The following SH3TC2 variants were observed in gnomAD, a reference collection of about 807,000 sequenced individuals.
SH3TC2 encodes SH3 domain and tetratricopeptide repeat-containing protein 2.
SH3TC2 carries 87 observed loss-of-function variants against 124.5 expected under a neutral mutation model. The ratio of observed to expected loss-of-function variants is 0.70; its 90% CI spans 0.59 to 0.84. SH3TC2 has a LOEUF of 0.84. SH3TC2 is among the 40% of genes least tolerant of loss of function. The pLI is 0.00. For synonymous variants in SH3TC2, 634 were observed against 628.5 expected (o/e 1.01, Z -0.13); for missense variants, 1,536 against 1,566.4 (o/e 0.98, Z 0.33).
At chr5:149,034,427 C>CGA in intron 8 of SH3TC2, 1 of 350,090 alleles carries the variant, frequency 2.9e-6, no homozygotes, top group South Asian at 2.3e-5. Context: ...CTAAAAAGAA[C>CGA]GAGAGAGAGG....
rs1361257344 is a variant in SH3TC2 at position 148,989,832 on chromosome 5, T to A, written c.*14879A>T. ...CTGGAATGAACGGAGAGAGAAGAAC[T>A]ATATAGCAACCAGGACATTTGGGAA... On this transcript the variant is annotated 3_prime_UTR_variant, in exon 17 of 17. Transcript: ENST00000515425. Among the ~76,000 whole-genome samples the A allele has an allele frequency of 6.6e-6, 1 of 152,144 alleles. No individual in the cohort carries two copies. The highest frequency in any genetic ancestry group is 1.5e-5 in the Non-Finnish European group (1 of 68,026).
chr5:149,042,698 C>T lies in SH3TC2; in HGVS notation c.525G>A (p.Gln175=), dbSNP rs2127400937. ...CTACCCCTATGCCACACTCACCTTC[C>T]TGTATCAGGAGTCCCAGGTATATTG... is the stretch of plus-strand genomic sequence containing the variant. ...LETIYLGLLI[Q]EGHFFCRALC... Residue 175 remains glutamine, a synonymous_variant, in exon 5 of 17, where the codon CAG becomes CAA. Coordinates refer to ENST00000515425, the MANE Select transcript of SH3TC2 (RefSeq NM_024577.4). The T allele has an allele frequency of 6.2e-7, 1 of 1,614,114 alleles. No homozygotes were observed. Among genetic ancestry groups the T allele is most frequent in the East Asian group, 2.2e-5 (1 of 44,872 alleles).
chr5:149,059,661 A>AT (rs1754711754), intron 1 of SH3TC2, among the ~76,000 whole-genome samples: 1 of 151,862 alleles, frequency 6.6e-6, no homozygotes, highest in African/African-American at 2.4e-5. Context: ...AAAAAAAAAA[A>AT]GTTGCATCAT....
chr5:149,052,058 A>G, intron 2 of SH3TC2, 84 bp downstream of exon 2: 1 of 959,574 alleles, frequency 1.0e-6, no homozygotes, highest in Non-Finnish European at 1.7e-6. Flanking sequence ...GGAAAGAGGG[A>G]GGGGCTCTTT....
chr5:149,040,581 CTA>C lies in SH3TC2; in HGVS notation c.805+21_805+22del, dbSNP rs771266812. The C allele has an allele frequency of 3.1e-6, 5 of 1,602,488 alleles. No individual in the cohort carries two copies. In the South Asian group the frequency reaches 5.5e-5, roughly 18 times the overall value. On this transcript the variant is annotated intron_variant, in intron 7 of 16. Transcript: ENST00000515425. ...GGACAACATTATCTCCCTAACAATA[CTA>C]TGTTTTTGACTCAGCCATACCAATC...
chr5:149,036,227 T>A, intron 8 of SH3TC2, among the ~76,000 whole-genome samples: 1 of 152,228 alleles, frequency 6.6e-6, no homozygotes, highest in Non-Finnish European at 1.5e-5. Context: ...TGGTCATGAA[T>A]GCCTTTTGGG....
At chr5:149,021,141 A>C (rs913723065) in intron 12 of SH3TC2, among the ~76,000 whole-genome samples, 9 of 152,184 alleles carry the variant, frequency 5.9e-5, no homozygotes, top group African/African-American at 2.2e-4. Context: ...GAAATTTGGA[A>C]AATTCACAAA....
rs1561748455 is a variant in SH3TC2 at position 148,984,632 on chromosome 5, TC to T, written c.*20078del. ...TTCATATATCTCCAAGGTTGGTCTT[TC>T]AGGTTGGCATATAGGAAGGAATTTG... On this transcript the variant is annotated 3_prime_UTR_variant, in exon 17 of 17. Transcript: ENST00000515425. 6.6e-6 allele frequency among the ~76,000 whole-genome samples: 1 copy of T among 152,194 alleles called. No homozygotes were observed. Among genetic ancestry groups the T allele is most frequent in the Non-Finnish European group, 1.5e-5 (1 of 68,028 alleles).
intron 1 of SH3TC2, among the ~76,000 whole-genome samples, chr5:149,055,535 T>C (rs1398351472): frequency 1.3e-5 from 2 of 151,768 alleles, no homozygotes; most frequent in African/African-American, 4.8e-5. Context: ...TGTGAGGATA[T>C]AGAGCAAGTA....
Position 148,989,572 on chromosome 5 carries a change from T to C in SH3TC2, c.*15139A>G, listed in dbSNP as rs907578357. Reference sequence around the variant, plus strand: ...TGAAGGAAGGACTTACATGTGAGTTTTGGGGATTGCAAAGTGTTGACATTT... The same window carrying C: ...TGAAGGAAGGACTTACATGTGAGTTCTGGGGATTGCAAAGTGTTGACATTT... On this transcript the variant is annotated 3_prime_UTR_variant, in exon 17 of 17. Coordinates refer to ENST00000515425, the MANE Select transcript of SH3TC2 (RefSeq NM_024577.4). Among the ~76,000 whole-genome samples, 14 of 152,228 alleles carry C rather than the reference T, an allele frequency of 9.2e-5. No homozygotes were observed. The highest frequency in any genetic ancestry group is 1.9e-4 in the Non-Finnish European group (13 of 68,036).
At position 149,038,037 on chromosome 5, in the gene SH3TC2, CA is replaced by C. The variant is rs552232271; in HGVS notation, c.1001+257del. Among the ~76,000 whole-genome samples, 530 of 152,314 alleles carry C rather than the reference CA, an allele frequency of 3.5e-3. 3 individuals are homozygous for C. The highest frequency in any genetic ancestry group is 0.012 in the African/African-American group (504 of 41,570). On this transcript the variant is annotated intron_variant, in intron 8 of 16. Transcript: ENST00000515425. The stretch of plus-strand genomic sequence containing the variant: ...CCAAAACCACACCCTCAGTGCCTAA[CA>C]GCATGCCCTTTGTCTTGGAGTTTTG...
chr5:149,005,714 C>T (rs1397271938), intron 16 of SH3TC2, among the ~76,000 whole-genome samples: 1 of 152,108 alleles, frequency 6.6e-6, no homozygotes, highest in African/African-American at 2.4e-5. Flanking sequence ...TCCATTAACC[C>T]TCATAAGTCA....
At chr5:149,012,954 C>A (rs1345905907) in intron 12 of SH3TC2, among the ~76,000 whole-genome samples, 2 of 152,132 alleles carry the variant, frequency 1.3e-5, no homozygotes, top group Non-Finnish European at 2.9e-5. Flanking sequence ...TAAAACAGAC[C>A]TATAATTGTG....
At chr5:149,044,788 A>G (rs1754429882) in intron 3 of SH3TC2, 150 bp from the exon 4 acceptor site, 1 of 650,978 alleles carries the variant, frequency 1.5e-6, no homozygotes, top group East Asian at 2.8e-5. Context: ...ATATTCATCA[A>G]TAAGAGATTG....
chr5:148,988,951 G>A lies in SH3TC2; in HGVS notation c.*15760C>T, dbSNP rs1186281714. Among the ~76,000 whole-genome samples the A allele has an allele frequency of 6.6e-6, 1 of 152,098 alleles. No homozygotes were observed. The highest frequency in any genetic ancestry group is 1.5e-5 in the Non-Finnish European group (1 of 68,022). On this transcript the variant is annotated 3_prime_UTR_variant, in exon 17 of 17. Transcript: ENST00000515425. Reference sequence around the variant, plus strand: ...AGCAACCTTCTCTCTCACTCAAAATGTTTCCCTTATCTGGTCTAGTTGTGC... The same window carrying A: ...AGCAACCTTCTCTCTCACTCAAAATATTTCCCTTATCTGGTCTAGTTGTGC...
At chr5:149,061,955 C>G (rs1754758025) in intron 1 of SH3TC2, among the ~76,000 whole-genome samples, 1 of 152,096 alleles carries the variant, frequency 6.6e-6, no homozygotes, top group African/African-American at 2.4e-5. Context: ...ATCAAGACTT[C>G]AAGCAGAGGA....
chr5:149,029,837 A>T (rs1232216169), intron 9 of SH3TC2, among the ~76,000 whole-genome samples: 2 of 150,246 alleles, frequency 1.3e-5, no homozygotes, highest in Admixed American at 1.3e-4. Flanking sequence ...GGCTAGCTTC[A>T]CACTCCACAG....
Position 149,003,992 on chromosome 5 carries a change from C to T in SH3TC2, c.*719G>A, listed in dbSNP as rs10050933. On this transcript the variant is annotated 3_prime_UTR_variant, in exon 17 of 17. Transcript: ENST00000515425. ...AATATTTAATCATATACACTATTTACATGTAATTTATGTCATAATTTTCTT... is the reference window on the plus strand; with the variant it reads ...AATATTTAATCATATACACTATTTATATGTAATTTATGTCATAATTTTCTT... 37,570 of 194,684 alleles carry T rather than the reference C, an allele frequency of 0.19. 3,839 individuals carry two copies. The highest frequency in any genetic ancestry group is 0.25 in the East Asian group (1,625 of 6,378). 12.1% of individuals were successfully genotyped at this position (194,684 alleles called of 1,614,324 possible). A position where few individuals can be genotyped will look rare whatever the true frequency, so the allele number is the denominator to read the frequency against.
In SH3TC2 at chr5:149,004,145, G is replaced by T; in HGVS notation, c.*566C>A. 1 of 180,030 alleles carries T rather than the reference G, an allele frequency of 5.6e-6. No individual in the cohort carries two copies. Among genetic ancestry groups the T allele is most frequent in the East Asian group, 1.6e-4 (1 of 6,120 alleles). 11.2% of individuals were successfully genotyped at this position (180,030 alleles called of 1,614,324 possible). ...AGTCAGGTTTCGTGCAATCCATCTG[G>T]CCATTCTGAGGCTGTGTCTTTTGAG... On this transcript the variant is annotated 3_prime_UTR_variant, in exon 17 of 17. Transcript: ENST00000515425.
Sources: gnomAD v4.1 joint callset for allele counts (sites outside exome capture counted in the v4.1 genomes callset) on GRCh38, gnomAD v4.1.1 for gene constraint, MANE v1.5 for transcripts, NCBI Gene and HGNC (gene_info 2026-07-23, HGNC 2026-07-21) for gene names.